AFF3: variants seen among roughly 807,000 people sequenced by gnomAD.
AFF3 encodes ALF transcription elongation factor 3.
In AFF3, 32 loss-of-function variants were observed where a neutral mutation model predicts 129.7. That is an observed-to-expected ratio of 0.25 (90% CI 0.19 to 0.33). The LOEUF is 0.33. Among genes scored for constraint, AFF3 ranks in the 10% least tolerant of loss-of-function variants. AFF3 has a pLI of 1.00. For synonymous variants in AFF3, 644 were observed against 635.4 expected (o/e 1.01, Z -0.20); for missense variants, 1,373 against 1,592.0 (o/e 0.86, Z 2.34).
chr2:99,833,278 A>G (rs999711024), intron 8 of AFF3, among the ~76,000 whole-genome samples: 1 of 152,202 alleles, frequency 6.6e-6, no homozygotes, highest in Non-Finnish European at 1.5e-5. Context: ...CAAGGAAAAA[A>G]TGAGTTCCCT....
At chr2:100,084,762 G>T (rs1298644580) in intron 4 of AFF3, among the ~76,000 whole-genome samples, 6 of 152,020 alleles carry the variant, frequency 3.9e-5, no homozygotes, top group Admixed American at 1.3e-4. Flanking sequence ...CATAAAAGGG[G>T]AATTCTGTTT....
chr2:99,993,148 T>G (rs1164282147), intron 7 of AFF3, among the ~76,000 whole-genome samples: 1 of 152,208 alleles, frequency 6.6e-6, no homozygotes, highest in Non-Finnish European at 1.5e-5. Flanking sequence ...AGATTGACAA[T>G]GATAGAAAAA....
chr2:99,860,631 G>C (rs1430895091), intron 7 of AFF3, among the ~76,000 whole-genome samples: 1 of 152,066 alleles, frequency 6.6e-6, no homozygotes, highest in Non-Finnish European at 1.5e-5. Context: ...AGGAGGCTGA[G>C]GTAGGAGAAT....
chr2:99,813,792 T>A (rs1174891624), intron 8 of AFF3, among the ~76,000 whole-genome samples: 1 of 152,156 alleles, frequency 6.6e-6, no homozygotes. Flanking sequence ...GTAACCTAGA[T>A]GGTAGCCACT....
chr2:99,765,506 C>T (rs898564098), intron 8 of AFF3, among the ~76,000 whole-genome samples: 1 of 152,152 alleles, frequency 6.6e-6, no homozygotes, highest in Non-Finnish European at 1.5e-5. Context: ...AGAATGACCT[C>T]GGGCAAGTTT....
At chr2:100,114,268 T>C (rs1341627682) in intron 2 of AFF3, among the ~76,000 whole-genome samples, 1 of 152,200 alleles carries the variant, frequency 6.6e-6, no homozygotes, top group Non-Finnish European at 1.5e-5. Flanking sequence ...AAGTGCCTTG[T>C]TCATCAATTA....
At chr2:99,693,762 T>G (rs545882090) in intron 11 of AFF3, among the ~76,000 whole-genome samples, 190 of 152,322 alleles carry the variant, frequency 1.2e-3, no homozygotes, top group African/African-American at 4.3e-3. Context: ...TGAAAGCCAG[T>G]AGGTTTTGGT....
chr2:100,054,933 G>C (rs1686642426), intron 4 of AFF3, among the ~76,000 whole-genome samples: 1 of 152,160 alleles, frequency 6.6e-6, no homozygotes. Flanking sequence ...CACCCACAAA[G>C]AGTGTTTCTC....
chr2:100,009,582 C>T (rs944656769), intron 4 of AFF3, among the ~76,000 whole-genome samples: 2 of 152,060 alleles, frequency 1.3e-5, no homozygotes, highest in Non-Finnish European at 2.9e-5. Context: ...GGGGAGAGAA[C>T]GGAAATTGAA....
At chr2:100,121,726 A>C (rs529292221) in intron 2 of AFF3, among the ~76,000 whole-genome samples, 10 of 152,288 alleles carry the variant, frequency 6.6e-5, no homozygotes, top group African/African-American at 2.2e-4. Context: ...TACCATTGAT[A>C]AAAAAAGATG....
Position 100,137,641 on chromosome 2 carries a change from C to T in AFF3, c.-228+4843G>A, listed in dbSNP as rs928654501. 2.6e-5 allele frequency among the ~76,000 whole-genome samples: 4 copies of T among 152,180 alleles called. No individual in the cohort carries two copies. The East Asian group carries it at 5.8e-4, about 22-fold the overall frequency. Reference sequence around the variant, plus strand: ...TGCCTGTACAGCCTAGACTCAGGATCGCCCTAAGGGAGTTGGCATGGAAGA... The same window carrying T: ...TGCCTGTACAGCCTAGACTCAGGATTGCCCTAAGGGAGTTGGCATGGAAGA... On this transcript the variant is annotated intron_variant, in intron 1 of 24. Coordinates refer to ENST00000672756, the MANE Select transcript of AFF3 (RefSeq NM_001386135.1).
At chr2:100,006,516 C>G (rs2104732013) in intron 7 of AFF3, 116 bp downstream of exon 7, 1 of 1,307,174 alleles carries the variant, frequency 7.7e-7, no homozygotes, top group East Asian at 2.3e-5. Context: ...CAAATCCTAC[C>G]ACATGAAGTT....
chr2:100,131,453 A>C (rs1412774071), intron 1 of AFF3, among the ~76,000 whole-genome samples: 2 of 152,080 alleles, frequency 1.3e-5, no homozygotes, highest in Non-Finnish European at 2.9e-5. Context: ...ACTTTTTTTA[A>C]ATTTTTTTAT....
intron 8 of AFF3, among the ~76,000 whole-genome samples, chr2:99,781,948 T>A (rs1684443939): frequency 6.6e-6 from 1 of 152,028 alleles, no homozygotes; most frequent in Non-Finnish European, 1.5e-5. Context: ...TTATATGAGG[T>A]GAGGGAAATG....
At position 100,121,344 on chromosome 2, in the gene AFF3, T is replaced by C. The variant is rs530583701; in HGVS notation, c.-145+7880A>G. On this transcript the variant is annotated intron_variant, in intron 2 of 24. Transcript: ENST00000672756. ...TGACTTCAGAGGGACAGCTTGATAGTGTAGCTTTGGAGAGGAGTCCGGCCA... is the reference window on the plus strand; with the variant it reads ...TGACTTCAGAGGGACAGCTTGATAGCGTAGCTTTGGAGAGGAGTCCGGCCA... Among the ~76,000 whole-genome samples the C allele has an allele frequency of 1.6e-4, 25 of 152,244 alleles. No individual in the cohort carries two copies. In the South Asian group the frequency reaches 5.2e-3, roughly 32 times the overall value.
At chr2:100,096,401 T>C (rs1690298780) in intron 4 of AFF3, among the ~76,000 whole-genome samples, 2 of 151,682 alleles carry the variant, frequency 1.3e-5, no homozygotes, top group Admixed American at 6.6e-5. Flanking sequence ...CTCATCAGAA[T>C]TGTATTAGAA....
chr2:100,102,479 G>C (rs1690810210), intron 4 of AFF3, among the ~76,000 whole-genome samples: 1 of 152,106 alleles, frequency 6.6e-6, no homozygotes, highest in African/African-American at 2.4e-5. Context: ...AAACGTGTAA[G>C]TTTTTGTTTT....
intron 1 of AFF3, among the ~76,000 whole-genome samples, chr2:100,137,123 C>T (rs1389775720): frequency 1.3e-5 from 2 of 152,112 alleles, no homozygotes; most frequent in East Asian, 1.9e-4. Context: ...ATTTTCACCG[C>T]GTGGGATCCC....
intron 4 of AFF3, among the ~76,000 whole-genome samples, chr2:100,010,085 T>G (rs1682374236): frequency 6.6e-6 from 1 of 152,194 alleles, no homozygotes; most frequent in Non-Finnish European, 1.5e-5. Context: ...CTCTACGCCT[T>G]AATGACTTCA....
Sources: gnomAD v4.1 joint callset for allele counts (sites outside exome capture counted in the v4.1 genomes callset) on GRCh38, gnomAD v4.1.1 for gene constraint, MANE v1.5 for transcripts, NCBI Gene and HGNC (gene_info 2026-07-23, HGNC 2026-07-21) for gene names.